SPINK5: variants seen among roughly 807,000 people sequenced by gnomAD.
SPINK5 encodes serine peptidase inhibitor Kazal type 5.
SPINK5 carries 125 observed loss-of-function variants against 151.8 expected under a neutral mutation model. The ratio of observed to expected loss-of-function variants is 0.82; its 90% CI spans 0.71 to 0.96. The LOEUF (loss-of-function observed/expected upper bound fraction) is 0.96. Among genes scored for constraint, SPINK5 ranks in the 40% least tolerant of loss-of-function variants. SPINK5 has a pLI of 0.00. For synonymous variants in SPINK5, 374 were observed against 395.3 expected, an observed-to-expected ratio of 0.95 and a Z score of 0.64; for missense variants, 1,194 against 1,291.9, an observed-to-expected ratio of 0.92 and a Z score of 1.16.
In SPINK5 at chr5:148,099,265, G is replaced by A. The variant is rs747000584; in HGVS notation, c.1042G>A (p.Glu348Lys). The A allele has an allele frequency of 6.2e-7, 1 of 1,612,010 alleles. No homozygotes were observed. The highest frequency in any genetic ancestry group is 1.3e-5 in the African/African-American group (1 of 74,920). Residue 348 changes from glutamate to lysine, a missense_variant, in exon 12 of 33, where the codon GAA becomes AAA. Transcript: ENST00000256084. ...AGAAAATGAAGAAAAGAAAAAGGCT[G>A]AAGCACGAGCTAGAAACAAAAGAGA... ...QAENEEKKKAEARARNKRESG... is the reference protein window; with the variant it reads ...QAENEEKKKAKARARNKRESG...
intron 4 of SPINK5, among the ~76,000 whole-genome samples, chr5:148,083,550 T>C (rs1322514578): frequency 2.0e-5 from 3 of 151,576 alleles, no homozygotes; most frequent in Non-Finnish European, 4.4e-5. Flanking sequence ...CCTAAACAAA[T>C]AGCCATACTT....
At position 148,116,476 on chromosome 5, in the gene SPINK5, A is replaced by T; in HGVS notation, c.2112+10A>T. ...AGGAGGAAACACTCAGGTGAGAGCAACCTCTAATTTCAGTAACTGGGGCGG... is the reference window on the plus strand; with the variant it reads ...AGGAGGAAACACTCAGGTGAGAGCATCCTCTAATTTCAGTAACTGGGGCGG... On this transcript the variant is annotated intron_variant, in intron 22 of 32. Transcript: ENST00000256084. 1 of 1,613,808 alleles carries T rather than the reference A, an allele frequency of 6.2e-7. No homozygotes were observed. Among genetic ancestry groups the T allele is most frequent in the Non-Finnish European group, 8.5e-7 (1 of 1,179,732 alleles).
At chr5:148,069,423 T>C (rs1341682399) in intron 2 of SPINK5, among the ~76,000 whole-genome samples, 1 of 140,970 alleles carries the variant, frequency 7.1e-6, no homozygotes, top group East Asian at 2.2e-4. Context: ...AAAACAAACA[T>C]AGTAGGATTT....
intron 26 of SPINK5, among the ~76,000 whole-genome samples, chr5:148,122,152 C>G: frequency 6.6e-6 from 1 of 151,912 alleles, no homozygotes; most frequent in East Asian, 1.9e-4. Context: ...TTCAGGAAAA[C>G]TTAAGAGAAG....
chr5:148,101,938 G>A, intron 15 of SPINK5, 30 bp downstream of exon 15: 3 of 1,613,032 alleles, frequency 1.9e-6, no homozygotes, highest in South Asian at 1.1e-5. Context: ...CATAGCGTCT[G>A]AGGATTGAGC....
intron 16 of SPINK5, among the ~76,000 whole-genome samples, chr5:148,105,792 T>C (rs1323230672): frequency 1.3e-5 from 2 of 151,064 alleles, no homozygotes; most frequent in Non-Finnish European, 3.0e-5. Context: ...AATTTTTTTT[T>C]TTTTTTTTTT....
At chr5:148,089,275 A>T (rs1753242893) in intron 6 of SPINK5, 1 of 621,644 alleles carries the variant, frequency 1.6e-6, no homozygotes, top group Admixed American at 2.1e-5. Flanking sequence ...GGCACATAGT[A>T]GGTTATCTGT....
chr5:148,080,884 C>A (rs2113025723), intron 4 of SPINK5, among the ~76,000 whole-genome samples: 1 of 151,650 alleles, frequency 6.6e-6, no homozygotes. Flanking sequence ...AAAATAGTCA[C>A]AACCTATATA....
At position 148,108,759 on chromosome 5, in the gene SPINK5, TGAA is replaced by T. The variant is rs771646677; in HGVS notation, c.1623_1625del (p.Glu542del). 45 of 1,610,710 alleles carry T rather than the reference TGAA, an allele frequency of 2.8e-5. No homozygotes were observed. The South Asian group carries it at 4.3e-4, about 15-fold the overall frequency. On this transcript the variant is annotated inframe_deletion, in exon 18 of 33. Coordinates refer to ENST00000256084, the MANE Select transcript of SPINK5 (RefSeq NM_006846.4). Reference sequence around the variant, plus strand: ...TCTTCTTTTTCTATTACAGCAAACTTGAAGAAGAAGAGAAGAAAAATGATAAAG... The same window carrying T: ...TCTTCTTTTTCTATTACAGCAAACTTGAAGAAGAGAAGAAAAATGATAAAG...
chr5:148,081,653 G>A (rs937282509), intron 4 of SPINK5, among the ~76,000 whole-genome samples: 3 of 151,594 alleles, frequency 2.0e-5, no homozygotes, highest in African/African-American at 7.3e-5. Context: ...GGGGAATCTC[G>A]TAGGGTGATG....
chr5:148,091,097 C>T (rs1312886570), intron 7 of SPINK5, 68 bp from the exon 8 acceptor site: 7 of 1,331,604 alleles, frequency 5.3e-6, no homozygotes, highest in Admixed American at 1.7e-5. Context: ...AAGTGTTTAG[C>T]ACAGGACTGA....
chr5:148,094,052 T>C (rs1561684406), intron 8 of SPINK5, among the ~76,000 whole-genome samples: 1 of 151,970 alleles, frequency 6.6e-6, no homozygotes, highest in Non-Finnish European at 1.5e-5. Flanking sequence ...TTCAACACTT[T>C]GGGAGGCCAA....
chr5:148,126,970 T>A lies in SPINK5; in HGVS notation c.2868-13T>A. 6.3e-7 allele frequency: 1 copy of A among 1,590,820 alleles called. No individual in the cohort carries two copies. Among genetic ancestry groups the A allele is most frequent in the Non-Finnish European group, 8.6e-7 (1 of 1,164,738 alleles). On this transcript the variant is annotated splice_polypyrimidine_tract_variant and intron_variant, in intron 29 of 32. Coordinates refer to ENST00000256084, the MANE Select transcript of SPINK5 (RefSeq NM_006846.4). ...GTTTCTTATTTTAAATTATTTTTTA[T>A]TTTCTTCTCTAGTCTAACAGAAGCT...
At chr5:148,066,604 G>A (rs529594301) in intron 2 of SPINK5, among the ~76,000 whole-genome samples, 36 of 152,092 alleles carry the variant, frequency 2.4e-4, no homozygotes, top group African/African-American at 6.7e-4. Context: ...TTACTGATAG[G>A]GAGAGGTCCA....
rs754019195 is a variant in SPINK5 at position 148,100,450 on chromosome 5, G to T, written c.1093-4G>T. On this transcript the variant is annotated splice_region_variant and splice_polypyrimidine_tract_variant and intron_variant, in intron 12 of 32. Coordinates refer to ENST00000256084, the MANE Select transcript of SPINK5 (RefSeq NM_006846.4). The stretch of plus-strand genomic sequence containing the variant: ...TGGCCAACTTACTTCTTCTATCTCG[G>T]CAGGAGCTTTGCAGTGAATATCGAA... 6.2e-7 allele frequency: 1 copy of T among 1,610,912 alleles called. No individual in the cohort carries two copies. The highest frequency in any genetic ancestry group is 8.5e-7 in the Non-Finnish European group (1 of 1,177,574).
At chr5:148,083,089 A>G (rs1753063134) in intron 4 of SPINK5, among the ~76,000 whole-genome samples, 1 of 151,060 alleles carries the variant, frequency 6.6e-6, no homozygotes, top group South Asian at 2.1e-4. Flanking sequence ...TTATTGTTTG[A>G]CATATTTAAA....
rs201778028 is a variant in SPINK5, at chr5:148,091,255, G to A, written c.666+27G>A. ...TAAAATGACTCACCAACGCAATTTT[G>A]TTCTTGTGGCCATATTTATTAACAA... On this transcript the variant is annotated intron_variant, in intron 8 of 32. Coordinates refer to ENST00000256084, the MANE Select transcript of SPINK5 (RefSeq NM_006846.4). The A allele has an allele frequency of 9.7e-4, 1,564 of 1,604,188 alleles. 4 individuals are homozygous for A. The highest frequency in any genetic ancestry group is 9.7e-4 in the Non-Finnish European group (1,138 of 1,172,988).
chr5:148,137,236 A>G lies in SPINK5; in HGVS notation c.*245A>G. On this transcript the variant is annotated 3_prime_UTR_variant, in exon 33 of 33. Transcript: ENST00000256084. ...TGAGCCCTCAAAATGTCCTGATTAC[A>G]ATGCTGTCTGTCCAACTGCCTGTTC... The G allele has an allele frequency of 1.7e-6, 1 of 575,340 alleles. No individual in the cohort carries two copies. The highest frequency in any genetic ancestry group is 3.1e-6 in the Non-Finnish European group (1 of 323,568). The allele number at this position is 575,340 out of a possible 1,614,324, so 35.6% of individuals were successfully genotyped here. A position where few individuals can be genotyped will look rare whatever the true frequency, so the allele number is the denominator to read the frequency against.
At chr5:148,123,625 A>ACAAT (rs1462085117) in intron 26 of SPINK5, among the ~76,000 whole-genome samples, 3 of 150,796 alleles carry the variant, frequency 2.0e-5, no homozygotes, top group African/African-American at 4.9e-5. Flanking sequence ...TTAGGGCAAG[A>ACAAT]CAATCATTTG....
Sources: allele counts gnomAD v4.1 joint callset (sites outside exome capture counted in the v4.1 genomes callset), GRCh38; gene constraint gnomAD v4.1.1; transcripts MANE v1.5; gene names NCBI Gene and HGNC (gene_info 2026-07-23, HGNC 2026-07-21).